The following RBKS variants were observed in gnomAD, a reference collection of about 807,000 sequenced individuals.
RBKS encodes ribokinase.
In RBKS, 33 loss-of-function variants were observed where a neutral mutation model predicts 33.9. The observed-to-expected ratio is 0.97, with a 90% CI of 0.74 to 1.30. The LOEUF (loss-of-function observed/expected upper bound fraction) is 1.30, where lower values mean the gene tolerates loss of function less well. RBKS is among the 50% of genes most tolerant of loss of function. The pLI, the probability that RBKS is intolerant of heterozygous loss-of-function variation, is 0.00. For missense variants in RBKS, 361 were observed against 392.6 expected, an observed-to-expected ratio of 0.92 and a Z score of 0.68; for synonymous variants, 125 against 143.0, an observed-to-expected ratio of 0.87 and a Z score of 0.90.
chr2:27,853,048 C>T (rs1663783636), intron 2 of RBKS, among the ~76,000 whole-genome samples: 1 of 152,006 alleles, frequency 6.6e-6, no homozygotes, highest in Non-Finnish European at 1.5e-5. Context: ...TGTTTAAATC[C>T]TAGATAAAGG....
intron 7 of RBKS, among the ~76,000 whole-genome samples, chr2:27,801,992 A>ATATT: frequency 3.7e-4 from 16 of 42,692 alleles, no homozygotes; most frequent in Middle Eastern, 0.016. Flanking sequence ...ATATATATAT[A>ATATT]TTTTTTTTTT....
chr2:27,800,332 A>G (rs1677749898), intron 7 of RBKS, among the ~76,000 whole-genome samples: 1 of 152,152 alleles, frequency 6.6e-6, no homozygotes, highest in Non-Finnish European at 1.5e-5. Context: ...CAACTGGGAC[A>G]ATGCAGTAAA....
chr2:27,853,297 T>C (rs181442310), intron 2 of RBKS, among the ~76,000 whole-genome samples: 3 of 149,096 alleles, frequency 2.0e-5, no homozygotes, highest in African/African-American at 7.5e-5. Flanking sequence ...GCCCAGGAGT[T>C]TGAGGCTGCA....
At chr2:27,785,355 C>CT (rs1677376791) in intron 7 of RBKS, among the ~76,000 whole-genome samples, 1 of 151,934 alleles carries the variant, frequency 6.6e-6, no homozygotes, top group Non-Finnish European at 1.5e-5. Context: ...CTTCAGACTG[C>CT]TAGGAAAAAG....
chr2:27,874,647 G>A (rs1664277960), intron 1 of RBKS, among the ~76,000 whole-genome samples: 1 of 152,138 alleles, frequency 6.6e-6, no homozygotes, highest in Admixed American at 6.6e-5. Flanking sequence ...TCTCTTAAAG[G>A]TTAATTTCTC....
Position 27,813,828 on chromosome 2 carries a change from T to A in RBKS, c.795+13739A>T, listed in dbSNP as rs145601576. On this transcript the variant is annotated intron_variant, in intron 7 of 7. Transcript: ENST00000302188. Reference sequence around the variant, plus strand: ...TCAGGAAGAAGAGTCACGAGCAGTATAAATAAATTCAGATCTAGATTCCCT... The same window carrying A: ...TCAGGAAGAAGAGTCACGAGCAGTAAAAATAAATTCAGATCTAGATTCCCT... Among the ~76,000 whole-genome samples the A allele has an allele frequency of 3.8e-3, 585 of 152,276 alleles. 6 individuals carry two copies. The highest frequency in any genetic ancestry group is 4.5e-3 in the Non-Finnish European group (305 of 68,022).
chr2:27,843,002 G>T lies in RBKS; in HGVS notation c.514+65C>A, dbSNP rs148312165. 946 of 1,253,280 alleles carry T rather than the reference G, an allele frequency of 7.5e-4. 9 individuals carry two copies. The African/African-American group carries it at 0.013, about 17-fold the overall frequency. The allele number at this position is 1,253,280 out of a possible 1,614,324, so 77.6% of individuals were successfully genotyped here. A position where few individuals can be genotyped will look rare whatever the true frequency, so the allele number is the denominator to read the frequency against. On this transcript the variant is annotated intron_variant, in intron 5 of 7. Coordinates refer to ENST00000302188, the MANE Select transcript of RBKS (RefSeq NM_022128.3). The stretch of plus-strand genomic sequence containing the variant: ...GAGTATTGCTTTGCTTAACTTAAAA[G>T]GTTAACTTTAATTAAGACAGCGATA...
At chr2:27,817,145 C>T (rs1184645946) in intron 7 of RBKS, among the ~76,000 whole-genome samples, 1 of 152,156 alleles carries the variant, frequency 6.6e-6, no homozygotes, top group Non-Finnish European at 1.5e-5. Flanking sequence ...TTGCAGAGGG[C>T]CTGTTATTAT....
intron 1 of RBKS, among the ~76,000 whole-genome samples, chr2:27,868,997 A>G (rs1469335268): frequency 1.3e-5 from 2 of 152,192 alleles, no homozygotes; most frequent in Non-Finnish European, 2.9e-5. Context: ...TAACCCCATG[A>G]GAAAGTTATT....
intron 2 of RBKS, among the ~76,000 whole-genome samples, chr2:27,855,530 A>T (rs561921503): frequency 6.6e-6 from 1 of 152,336 alleles, no homozygotes; most frequent in South Asian, 2.1e-4. Flanking sequence ...GAAACACTTA[A>T]CTCAGGTGAA....
intron 7 of RBKS, among the ~76,000 whole-genome samples, chr2:27,797,767 AG>A (rs1302639980): frequency 2.6e-5 from 4 of 152,172 alleles, no homozygotes; most frequent in Non-Finnish European, 5.9e-5. Flanking sequence ...CAAAGGTTTC[AG>A]GAAAGAATAT....
intron 7 of RBKS, among the ~76,000 whole-genome samples, chr2:27,785,427 A>G (rs1405056138): frequency 6.6e-6 from 1 of 152,226 alleles, no homozygotes; most frequent in Non-Finnish European, 1.5e-5. Flanking sequence ...GGAAATGTAT[A>G]TGGTAGGTAA....
intron 1 of RBKS, among the ~76,000 whole-genome samples, chr2:27,878,273 T>C (rs1325427629): frequency 2.6e-5 from 4 of 151,116 alleles, no homozygotes; most frequent in Non-Finnish European, 5.9e-5. Flanking sequence ...TGAGTGAGAA[T>C]ATGTGGTGTT....
rs781398481 is a variant in RBKS at position 27,848,074 on chromosome 2, A to T, written c.246T>A (p.Asn82Lys). The T allele has an allele frequency of 6.6e-7, 1 of 1,508,810 alleles. No homozygotes were observed. The highest frequency in any genetic ancestry group is 2.3e-5 in the East Asian group (1 of 44,096). 93.5% of individuals were successfully genotyped at this position (1,508,810 alleles called of 1,614,324 possible). A position where few individuals can be genotyped will look rare whatever the true frequency, so the allele number is the denominator to read the frequency against. Reference protein sequence around the residue: ...VCKVGKDSFGNDYIENLKQND... With the variant: ...VCKVGKDSFGKDYIENLKQND... ...TCTGTTTTAAGTTTTCTATATAATC[A>T]TTGCCAAAAGAATCTTTGCCAACCT... The change falls in exon 3 of 8, where the codon AAT (asparagine) becomes AAA (lysine). Residue 82 changes from asparagine (N) to lysine (K), a missense_variant. Physicochemically the swap from Asn to Lys is moderately conservative, Grantham distance 94. Coordinates refer to ENST00000302188, the MANE Select transcript of RBKS (RefSeq NM_022128.3).
chr2:27,829,078 C>A (rs749491499), intron 6 of RBKS, among the ~76,000 whole-genome samples: 1 of 152,022 alleles, frequency 6.6e-6, no homozygotes, highest in Non-Finnish European at 1.5e-5. Flanking sequence ...TTTGTAGAGA[C>A]AGGATGAAGT....
chr2:27,885,077 G>A (rs1664502015), intron 1 of RBKS, among the ~76,000 whole-genome samples: 1 of 151,770 alleles, frequency 6.6e-6, no homozygotes, highest in Non-Finnish European at 1.5e-5. Flanking sequence ...ATATCTAGTA[G>A]GTACCTCAAC....
chr2:27,831,725 C>A, intron 6 of RBKS, among the ~76,000 whole-genome samples: 1 of 151,970 alleles, frequency 6.6e-6, no homozygotes, highest in East Asian at 1.9e-4. Context: ...CCCAGGAGTT[C>A]GAGATTAGCC....
At chr2:27,814,561 A>G (rs1166481158) in intron 7 of RBKS, among the ~76,000 whole-genome samples, 1 of 152,234 alleles carries the variant, frequency 6.6e-6, no homozygotes, top group Non-Finnish European at 1.5e-5. Flanking sequence ...AAACAATTAG[A>G]TTCCTACATA....
chr2:27,888,551 T>G (rs1368557677), intron 1 of RBKS, among the ~76,000 whole-genome samples: 1 of 152,264 alleles, frequency 6.6e-6, no homozygotes, highest in Non-Finnish European at 1.5e-5. Context: ...AACTCAACTT[T>G]ATGAATTTTT....
Sources: allele counts gnomAD v4.1 joint callset (sites outside exome capture counted in the v4.1 genomes callset), GRCh38; gene constraint gnomAD v4.1.1; transcripts MANE v1.5; gene names NCBI Gene and HGNC (gene_info 2026-07-23, HGNC 2026-07-21).